The following SHROOM2 variants were observed in gnomAD, a reference collection of about 807,000 sequenced individuals.
The protein encoded by SHROOM2 is shroom family member 2.
A neutral mutation model predicts 75.9 loss-of-function variants in SHROOM2; 33 were observed. The ratio of observed to expected loss-of-function variants is 0.43; its 90% CI spans 0.33 to 0.58. The LOEUF is 0.58. Among genes scored for constraint, SHROOM2 ranks in the 20% least tolerant of loss-of-function variants. The pLI is 0.04. For missense variants in SHROOM2, 1,434 were observed against 1,461.2 expected, an observed-to-expected ratio of 0.98 and a Z score of 0.30; for synonymous variants, 655 against 663.6, an observed-to-expected ratio of 0.99 and a Z score of 0.20.
chrX:9,933,052 T>C (rs1381086056), intron 6 of SHROOM2, among the ~76,000 whole-genome samples, 182 bp downstream of exon 6: 1 of 111,423 alleles, frequency 9.0e-6, no homozygotes, highest in Non-Finnish European at 1.9e-5. Context: ...GTTGGATTTT[T>C]ATCTCACTGG....
At chrX:9,872,336 G>A (rs774299017) in intron 1 of SHROOM2, among the ~76,000 whole-genome samples, 7 of 112,958 alleles carry the variant, frequency 6.2e-5, no homozygotes, top group Non-Finnish European at 9.4e-5. Context: ...AGGCCGAGGC[G>A]GGTGGATCAC....
At chrX:9,824,559 C>T (rs1379135166) in intron 1 of SHROOM2, among the ~76,000 whole-genome samples, 2 of 111,977 alleles carry the variant, frequency 1.8e-5, no homozygotes, top group Non-Finnish European at 3.8e-5. Flanking sequence ...AGATTTTGCC[C>T]CTCTCTTCCT....
chrX:9,868,206 ATTTATT>A (rs35950245), intron 1 of SHROOM2, among the ~76,000 whole-genome samples: 23,590 of 101,235 alleles, frequency 0.23, 2,997 homozygotes, highest in African/African-American at 0.43. Context: ...ACACAACTTC[ATTTATT>A]TTTATTTTTA....
chrX:9,931,427 A>G lies in SHROOM2; in HGVS notation c.2892-748A>G, dbSNP rs1371171370. 1.2e-4 allele frequency among the ~76,000 whole-genome samples: 13 copies of G among 111,445 alleles called. No homozygotes were observed. The Admixed American group carries it at 1.2e-3, about 11-fold the overall frequency. On this transcript the variant is annotated intron_variant, in intron 5 of 9. Coordinates refer to ENST00000380913, the MANE Select transcript of SHROOM2 (RefSeq NM_001649.4). ...TACTCCGCAGGCAGGCAAGAGGATC[A>G]CTTGAACCCAGGAGTTTGAGACCAG... is the stretch of plus-strand genomic sequence containing the variant.
At chrX:9,914,348 G>T (rs1444275544) in intron 5 of SHROOM2, among the ~76,000 whole-genome samples, 1 of 109,565 alleles carries the variant, frequency 9.1e-6, no homozygotes, top group Non-Finnish European at 1.9e-5. Context: ...TTTGGATTTT[G>T]GAGGTTGAGG....
At chrX:9,859,887 G>T (rs1157554642) in intron 1 of SHROOM2, among the ~76,000 whole-genome samples, 2 of 111,594 alleles carry the variant, frequency 1.8e-5, no homozygotes, top group South Asian at 3.8e-4. Context: ...AAGATGATTT[G>T]CGTGAGGAAG....
At chrX:9,793,105 C>CT (rs1382039870) in intron 1 of SHROOM2, among the ~76,000 whole-genome samples, 1 of 111,614 alleles carries the variant, frequency 9.0e-6, no homozygotes, top group Non-Finnish European at 1.9e-5. Context: ...TGCTTATATG[C>CT]TACTGGTCAT....
At chrX:9,928,021 T>G (rs1295758337) in intron 5 of SHROOM2, among the ~76,000 whole-genome samples, 1 of 111,944 alleles carries the variant, frequency 8.9e-6, no homozygotes, top group African/African-American at 3.3e-5. Flanking sequence ...CTAACAGTGG[T>G]TTCGGTCCTG....
intron 1 of SHROOM2, among the ~76,000 whole-genome samples, chrX:9,830,584 C>CTTTTGTTTTTTTTTT (rs2083910331): frequency 3.0e-5 from 1 of 33,642 alleles, no homozygotes; most frequent in African/African-American, 1.2e-4. Context: ...CCCCTGGTTT[C>CTTTTGTTTTTTTTTT]TTTTTTTTTT....
intron 1 of SHROOM2, among the ~76,000 whole-genome samples, chrX:9,840,701 T>G (rs1346746655): frequency 1.8e-5 from 2 of 112,117 alleles, no homozygotes; most frequent in African/African-American, 6.5e-5. Flanking sequence ...GCTTCTAATC[T>G]AATGTAGAAT....
intron 1 of SHROOM2, 57 bp from the exon 2 acceptor site, chrX:9,873,590 CCTGCT>C: frequency 8.5e-7 from 1 of 1,175,671 alleles, no homozygotes; most frequent in South Asian, 1.8e-5. Flanking sequence ...GTTCCGAGGA[CCTGCT>C]CTGCCTCAGG....
At chrX:9,860,802 G>T (rs1045547773) in intron 1 of SHROOM2, among the ~76,000 whole-genome samples, 2 of 111,863 alleles carry the variant, frequency 1.8e-5, no homozygotes, top group African/African-American at 6.5e-5. Flanking sequence ...ATTGACAGAC[G>T]AGTGGATAAA....
At position 9,932,663 on chromosome X, in the gene SHROOM2, C is replaced by T. The variant is rs754824473; in HGVS notation, c.3380C>T (p.Pro1127Leu). 8 of 1,209,701 alleles carry T rather than the reference C, an allele frequency of 6.6e-6. No individual in the cohort carries two copies. The East Asian group carries it at 1.2e-4, about 18-fold the overall frequency. The change falls in exon 6 of 10, where the codon CCG (proline) becomes CTG (leucine). Residue 1127 changes from proline to leucine, a missense_variant. This residue lies in a region of SHROOM2 where 1,340 missense variants were observed against 1,338.3 expected (regional missense o/e 1.00). Coordinates refer to ENST00000380913, the MANE Select transcript of SHROOM2 (RefSeq NM_001649.4). Reference sequence around the variant, plus strand: ...AGCAGTGCCCAGCCCCAGGACACCCCGAAGGCCACTGTCTGTGAGCGTGGA... The same window carrying T: ...AGCAGTGCCCAGCCCCAGGACACCCTGAAGGCCACTGTCTGTGAGCGTGGA... ...VFSSAQPQDT[P>L]KATVCERGSQ...
chrX:9,946,951 G>A lies in SHROOM2; in HGVS notation c.*14G>A, dbSNP rs368804670. ...AGGGGCAAATAAGAGACCAGTCCCC[G>A]GTGGAGGAGGGGCACGGGGCCTCCG... On this transcript the variant is annotated 3_prime_UTR_variant, in exon 10 of 10. Coordinates refer to ENST00000380913, the MANE Select transcript of SHROOM2 (RefSeq NM_001649.4). 5 of 1,177,193 alleles carry A rather than the reference G, an allele frequency of 4.2e-6. No homozygotes were observed. The highest frequency in any genetic ancestry group is 3.5e-5 in the African/African-American group (2 of 56,599).
intron 1 of SHROOM2, among the ~76,000 whole-genome samples, chrX:9,802,300 G>C (rs760646669): frequency 3.6e-5 from 4 of 111,764 alleles, no homozygotes; most frequent in Middle Eastern, 4.6e-3. Context: ...CTGGGAGCTC[G>C]TTAGAACTGC....
At chrX:9,866,803 G>A (rs951271213) in intron 1 of SHROOM2, among the ~76,000 whole-genome samples, 1 of 100,177 alleles carries the variant, frequency 1.0e-5, no homozygotes, top group Admixed American at 1.1e-4. Flanking sequence ...TCCAGGGCGG[G>A]GTCCTCGTCT....
At chrX:9,799,650 C>T (rs1401161922) in intron 1 of SHROOM2, among the ~76,000 whole-genome samples, 1 of 110,132 alleles carries the variant, frequency 9.1e-6, no homozygotes, top group Non-Finnish European at 1.9e-5. Flanking sequence ...TTTCCTTTGC[C>T]ATCTACTAGA....
intron 1 of SHROOM2, among the ~76,000 whole-genome samples, chrX:9,810,019 G>T (rs2083783759): frequency 1.8e-5 from 2 of 112,454 alleles, no homozygotes; most frequent in African/African-American, 6.5e-5. Context: ...GAAAAGAAAA[G>T]AAAATAAAGA....
chrX:9,920,196 A>G (rs1207291736), intron 5 of SHROOM2, among the ~76,000 whole-genome samples: 2 of 111,558 alleles, frequency 1.8e-5, no homozygotes, highest in South Asian at 3.7e-4. Context: ...ATCTCAACTC[A>G]CCACAACTCA....
Sources: allele counts gnomAD v4.1 joint callset (sites outside exome capture counted in the v4.1 genomes callset), GRCh38; gene constraint gnomAD v4.1.1; regional missense constraint gnomAD v4.1.1; transcripts MANE v1.5; gene names NCBI Gene and HGNC (gene_info 2026-07-23, HGNC 2026-07-21).